GRIP1: variants seen among roughly 807,000 people sequenced by gnomAD.
GRIP1 encodes glutamate receptor-interacting protein 1.
Under a neutral mutation model 129.9 loss-of-function variants are expected in GRIP1, and 45 were observed. The observed-to-expected ratio is 0.35, with a 90% CI of 0.27 to 0.44. The LOEUF (loss-of-function observed/expected upper bound fraction) is 0.44. Ranked by LOEUF, GRIP1 falls within the 20% of genes least tolerant of loss-of-function variation. The pLI is 1.00. For synonymous variants in GRIP1, 530 were observed against 520.8 expected (o/e 1.02, Z -0.24); for missense variants, 1,196 against 1,396.8 (o/e 0.86, Z 2.29).
At chr12:66,811,700 A>G (rs1395215521) in intron 1 of GRIP1, among the ~76,000 whole-genome samples, 1 of 151,586 alleles carries the variant, frequency 6.6e-6, no homozygotes. Context: ...CTACTTGGAG[A>G]TAAGAAAAGT....
At chr12:67,021,933 C>T (rs1362724900) in intron 1 of GRIP1, among the ~76,000 whole-genome samples, 1 of 152,112 alleles carries the variant, frequency 6.6e-6, no homozygotes, top group African/African-American at 2.4e-5. Context: ...GCTTATTTCA[C>T]TCAACATGAT....
At chr12:66,973,505 C>G (rs2042106377) in intron 1 of GRIP1, among the ~76,000 whole-genome samples, 1 of 150,996 alleles carries the variant, frequency 6.6e-6, no homozygotes, top group Admixed American at 6.6e-5. Context: ...TTGAAAAGAT[C>G]TTTGAATTCT....
chr12:66,424,584 C>T (rs2057920163), intron 14 of GRIP1, among the ~76,000 whole-genome samples: 2 of 152,130 alleles, frequency 1.3e-5, no homozygotes, highest in South Asian at 2.1e-4. Context: ...TTCCCAATAC[C>T]ATTTTGTCAT....
intron 7 of GRIP1, among the ~76,000 whole-genome samples, chr12:66,511,961 G>A (rs1418805185): frequency 6.6e-6 from 1 of 152,084 alleles, no homozygotes; most frequent in Admixed American, 6.6e-5. Flanking sequence ...GATCATGGGA[G>A]CAGTTTTCTC....
intron 1 of GRIP1, among the ~76,000 whole-genome samples, chr12:66,674,200 A>T (rs1472732230): frequency 6.6e-6 from 1 of 152,168 alleles, no homozygotes; most frequent in Non-Finnish European, 1.5e-5. Flanking sequence ...ATCAGTTCTG[A>T]ATCATATCAC....
chr12:66,392,049 C>G (rs545229926), intron 19 of GRIP1, among the ~76,000 whole-genome samples: 11 of 152,234 alleles, frequency 7.2e-5, no homozygotes, highest in African/African-American at 2.6e-4. Context: ...GAAGGACAAG[C>G]CCTGGATGGG....
chr12:66,687,060 C>CAACAAAACAA (rs999405818), intron 1 of GRIP1, among the ~76,000 whole-genome samples: 1 of 151,960 alleles, frequency 6.6e-6, no homozygotes, highest in Non-Finnish European at 1.5e-5. Context: ...GACCCTATCT[C>CAACAAAACAA]AACAAAACAA....
At chr12:66,480,829 TA>T (rs1247405394) in intron 7 of GRIP1, among the ~76,000 whole-genome samples, 3 of 152,184 alleles carry the variant, frequency 2.0e-5, no homozygotes, top group Non-Finnish European at 4.4e-5. Context: ...CCCTATTTAA[TA>T]AACAGTATTG....
At chr12:67,055,320 T>C (rs575692553) in intron 1 of GRIP1, among the ~76,000 whole-genome samples, 1 of 152,320 alleles carries the variant, frequency 6.6e-6, no homozygotes, top group African/African-American at 2.4e-5. Flanking sequence ...GAATGGGATG[T>C]GGTGCACAAG....
chr12:66,662,052 C>T (rs1275726045), intron 1 of GRIP1, among the ~76,000 whole-genome samples: 7 of 152,164 alleles, frequency 4.6e-5, no homozygotes, highest in South Asian at 2.1e-4. Flanking sequence ...CATACTCCTG[C>T]GCATGTAGAA....
chr12:66,825,735 T>C (rs2039399368), intron 1 of GRIP1, among the ~76,000 whole-genome samples: 1 of 152,200 alleles, frequency 6.6e-6, no homozygotes. Flanking sequence ...GAGTGCCCTT[T>C]GAATGACTAA....
At chr12:66,888,623 A>ATT (rs2040605443) in intron 1 of GRIP1, among the ~76,000 whole-genome samples, 1 of 152,196 alleles carries the variant, frequency 6.6e-6, no homozygotes, top group African/African-American at 2.4e-5. Context: ...TCGGCCTCCA[A>ATT]AAGTGCTGGA....
intron 1 of GRIP1, among the ~76,000 whole-genome samples, chr12:66,972,859 T>C (rs1331409145): frequency 2.0e-5 from 3 of 152,212 alleles, no homozygotes; most frequent in Admixed American, 6.6e-5. Flanking sequence ...TGTTGTGTAT[T>C]TGCACATTAT....
intron 14 of GRIP1, among the ~76,000 whole-genome samples, chr12:66,431,538 C>T (rs1275301391): frequency 6.6e-6 from 1 of 152,192 alleles, no homozygotes; most frequent in Non-Finnish European, 1.5e-5. Context: ...CCATTTCATA[C>T]TGCCCAATTG....
rs149412383 is a variant in GRIP1 at position 66,391,891 on chromosome 12, G to A, written c.2464+417C>T. 2.1e-3 allele frequency among the ~76,000 whole-genome samples: 313 copies of A among 152,148 alleles called. 10 individuals are homozygous for A. In the East Asian group the frequency reaches 0.055, roughly 27 times the overall value. ...AGTCAGGAGTGTGCAGGAATAAATA[G>A]AGTCACAAATCATTGGCTAATCTCT... On this transcript the variant is annotated intron_variant, in intron 19 of 24. Coordinates refer to ENST00000359742, the MANE Select transcript of GRIP1 (RefSeq NM_001366722.1).
chr12:66,532,800 T>C (rs1344370667), intron 4 of GRIP1, among the ~76,000 whole-genome samples: 4 of 147,646 alleles, frequency 2.7e-5, no homozygotes, highest in African/African-American at 8.0e-5. Flanking sequence ...ACCACCACCA[T>C]CATCTGTCTA....
rs143915452 is a variant in GRIP1, at chr12:66,907,226, G to A, written c.58+161824C>T. On this transcript the variant is annotated intron_variant, in intron 1 of 1. Coordinates refer to the GRIP1 transcript ENST00000643019. Reference sequence around the variant, plus strand: ...GAGAGAAGTACATTTTTGCTAGTGGGGAGGAGAACTTTAAAGAAAGATGAC... The same window carrying A: ...GAGAGAAGTACATTTTTGCTAGTGGAGAGGAGAACTTTAAAGAAAGATGAC... Among the ~76,000 whole-genome samples the A allele has an allele frequency of 3.2e-3, 486 of 152,260 alleles. 4 individuals carry two copies. Among genetic ancestry groups the A allele is most frequent in the African/African-American group, 0.011 (457 of 41,548 alleles).
At chr12:66,853,757 G>A (rs1309788234) in intron 1 of GRIP1, among the ~76,000 whole-genome samples, 8 of 151,994 alleles carry the variant, frequency 5.3e-5, no homozygotes, top group South Asian at 2.1e-4. Context: ...AAATTAATAC[G>A]AGTAAACACT....
At chr12:67,066,155 G>A (rs1362275250) in intron 1 of GRIP1, among the ~76,000 whole-genome samples, 1 of 152,188 alleles carries the variant, frequency 6.6e-6, no homozygotes, top group East Asian at 1.9e-4. Flanking sequence ...CATAGCAATA[G>A]CTTCATCTTG....
Sources: gnomAD v4.1 joint callset for allele counts (sites outside exome capture counted in the v4.1 genomes callset) on GRCh38, gnomAD v4.1.1 for gene constraint, MANE v1.5 for transcripts, NCBI Gene and HGNC (gene_info 2026-07-23, HGNC 2026-07-21) for gene names.